UBE2W: variants seen among roughly 807,000 people sequenced by gnomAD.
UBE2W encodes ubiquitin conjugating enzyme E2 W, also known as ubiquitin-conjugating enzyme E2 W.
UBE2W carries 18 observed loss-of-function variants against 27.2 expected under a neutral mutation model. That is an observed-to-expected ratio of 0.66 (90% CI 0.46 to 0.98). The LOEUF (loss-of-function observed/expected upper bound fraction) is 0.98, where lower values mean the gene tolerates loss of function less well. Ranked by LOEUF, UBE2W falls within the 50% of genes least tolerant of loss-of-function variation. UBE2W has a pLI of 0.00. For synonymous variants in UBE2W, 53 were observed against 57.2 expected (o/e 0.93, Z 0.33); for missense variants, 90 against 180.2 (o/e 0.50, Z 2.87).
chr8:73,858,288 G>A (rs1811386664), intron 1 of UBE2W, among the ~76,000 whole-genome samples: 1 of 151,042 alleles, frequency 6.6e-6, no homozygotes, highest in Non-Finnish European at 1.5e-5. Context: ...TTGAACCTGG[G>A]AGGCGGAGGC....
intron 1 of UBE2W, among the ~76,000 whole-genome samples, chr8:73,877,083 TTGTCAAATACAAG>T (rs1384264418): frequency 5.3e-5 from 8 of 152,242 alleles, no homozygotes; most frequent in African/African-American, 1.9e-4. Flanking sequence ...CTACGTTCTC[TTGTCAAATACAAG>T]TGTTGTGGAT....
intron 1 of UBE2W, among the ~76,000 whole-genome samples, chr8:73,855,760 G>A (rs879695947): frequency 2.6e-5 from 4 of 151,912 alleles, no homozygotes; most frequent in Non-Finnish European, 5.9e-5. Context: ...AAGTGTGTAG[G>A]TATGAAAGTT....
At chr8:73,802,938 G>T (rs1808709520) in intron 5 of UBE2W, among the ~76,000 whole-genome samples, 2 of 152,178 alleles carry the variant, frequency 1.3e-5, no homozygotes, top group Non-Finnish European at 2.9e-5. Context: ...CAGGAGAATG[G>T]TGTGAACCCT....
At chr8:73,803,173 G>GC (rs1303936724) in intron 5 of UBE2W, among the ~76,000 whole-genome samples, 1 of 152,070 alleles carries the variant, frequency 6.6e-6, no homozygotes, top group African/African-American at 2.4e-5. Context: ...CCTAGATCAC[G>GC]CCACTGCACT....
chr8:73,839,002 C>T (rs1029351082), intron 1 of UBE2W, among the ~76,000 whole-genome samples: 1 of 152,132 alleles, frequency 6.6e-6, no homozygotes, highest in African/African-American at 2.4e-5. Flanking sequence ...GGCCCTTGAG[C>T]GGCTGCTCTG....
chr8:73,870,943 C>T (rs1334219251), intron 1 of UBE2W, among the ~76,000 whole-genome samples: 2 of 151,216 alleles, frequency 1.3e-5, no homozygotes, highest in African/African-American at 2.4e-5. Flanking sequence ...GCTACAGAGA[C>T]ATGAGTACCT....
intron 1 of UBE2W, chr8:73,870,277 A>G (rs749359138): frequency 4.4e-6 from 7 of 1,587,860 alleles, no homozygotes; most frequent in Non-Finnish European, 4.3e-6. Context: ...ACTGGAAACC[A>G]TACTTCCACC....
intron 1 of UBE2W, among the ~76,000 whole-genome samples, chr8:73,844,764 A>C (rs1586512125): frequency 7.0e-6 from 1 of 143,462 alleles, no homozygotes; most frequent in East Asian, 2.2e-4. Flanking sequence ...CCGCCGCCCC[A>C]TCTGAGATGT....
Position 73,793,814 on chromosome 8 carries a change from G to A in UBE2W, c.*288C>T. ...ATTGCACAATACATGAGGACCTGGA[G>A]CTTTTCCAAAAGCTTAAAAAAATAA... On this transcript the variant is annotated 3_prime_UTR_variant, in exon 6 of 6. Coordinates refer to ENST00000602593, the MANE Select transcript of UBE2W (RefSeq NM_018299.6). 8.8e-7 allele frequency: 1 copy of A among 1,137,164 alleles called. No individual in the cohort carries two copies. The highest frequency in any genetic ancestry group is 1.1e-6 in the Non-Finnish European group (1 of 925,706). The allele number at this position is 1,137,164 out of a possible 1,614,324, so 70.4% of individuals were successfully genotyped here. A position where few individuals can be genotyped will look rare whatever the true frequency, so the allele number is the denominator to read the frequency against.
rs528133217 is a variant in UBE2W, at chr8:73,820,212, G to A, written c.210+4935C>T. Among the ~76,000 whole-genome samples the A allele has an allele frequency of 7.9e-5, 12 of 152,266 alleles. No individual in the cohort carries two copies. The South Asian group carries it at 2.5e-3, about 32-fold the overall frequency. Reference sequence around the variant, plus strand: ...AGGACTGGTTCTAGCCACTTTCCCAGGGCAGTGGATCTCTGCAAAGTTTCA... The same window carrying A: ...AGGACTGGTTCTAGCCACTTTCCCAAGGCAGTGGATCTCTGCAAAGTTTCA... On this transcript the variant is annotated intron_variant, in intron 3 of 5. Coordinates refer to ENST00000602593, the MANE Select transcript of UBE2W (RefSeq NM_018299.6).
At chr8:73,822,696 A>C (rs972061378) in intron 3 of UBE2W, among the ~76,000 whole-genome samples, 110 of 148,648 alleles carry the variant, frequency 7.4e-4, no homozygotes, top group African/African-American at 2.5e-3. Context: ...ATATGGTAGG[A>C]TCACTTGAGC....
chr8:73,796,150 T>G (rs1225811341), intron 5 of UBE2W, among the ~76,000 whole-genome samples: 1 of 150,508 alleles, frequency 6.6e-6, no homozygotes, highest in African/African-American at 2.4e-5. Flanking sequence ...GTTATGGATA[T>G]AAAACAAACT....
chr8:73,800,153 T>A (rs1808578113), intron 5 of UBE2W, among the ~76,000 whole-genome samples: 1 of 151,620 alleles, frequency 6.6e-6, no homozygotes, highest in African/African-American at 2.4e-5. Context: ...ATGCATTAGC[T>A]TTTTAAAAGT....
Position 73,793,953 on chromosome 8 carries a change from T to G in UBE2W, c.*149A>C. 1 of 1,470,852 alleles carries G rather than the reference T, an allele frequency of 6.8e-7. No individual in the cohort carries two copies. The highest frequency in any genetic ancestry group is 9.0e-7 in the Non-Finnish European group (1 of 1,109,786). 91.1% of individuals were successfully genotyped at this position (1,470,852 alleles called of 1,614,324 possible). ...ACCAGCGATCAACATGCGCCCAGAA[T>G]GCACACGAGTAAAAATGCAGTAAAA... On this transcript the variant is annotated 3_prime_UTR_variant, in exon 6 of 6. Transcript: ENST00000602593.
At chr8:73,801,603 T>C (rs1275121075) in intron 5 of UBE2W, among the ~76,000 whole-genome samples, 1 of 152,236 alleles carries the variant, frequency 6.6e-6, no homozygotes, top group Non-Finnish European at 1.5e-5. Flanking sequence ...TATTCCTAAT[T>C]GGCTAATCTT....
chr8:73,859,331 C>A (rs1296160092), intron 1 of UBE2W, among the ~76,000 whole-genome samples: 2 of 151,998 alleles, frequency 1.3e-5, no homozygotes, highest in Non-Finnish European at 2.9e-5. Flanking sequence ...CATGGTGAAA[C>A]CTCATCTCTA....
intron 1 of UBE2W, among the ~76,000 whole-genome samples, chr8:73,852,046 A>C (rs1811106422): frequency 6.6e-6 from 1 of 150,458 alleles, no homozygotes; most frequent in Non-Finnish European, 1.5e-5. Context: ...ATGGGGAGAA[A>C]GAAGAAAGGA....
rs1808072524 is a variant in UBE2W, at chr8:73,788,808, A to G, written c.*5294T>C. ...CAAAACCCAGAGAGTGTATGTGCCAAGGACTAGAACAAGAATTGGATCTCT... is the reference window on the plus strand; with the variant it reads ...CAAAACCCAGAGAGTGTATGTGCCAGGGACTAGAACAAGAATTGGATCTCT... On this transcript the variant is annotated 3_prime_UTR_variant, in exon 6 of 6. Coordinates refer to ENST00000602593, the MANE Select transcript of UBE2W (RefSeq NM_018299.6). 7.1e-6 allele frequency: 7 copies of G among 985,290 alleles called. No individual in the cohort carries two copies. Among genetic ancestry groups the G allele is most frequent in the Non-Finnish European group, 8.4e-6 (7 of 829,934 alleles). 61.0% of individuals were successfully genotyped at this position (985,290 alleles called of 1,614,324 possible).
intron 1 of UBE2W, among the ~76,000 whole-genome samples, chr8:73,836,329 G>A (rs1344885692): frequency 6.6e-6 from 1 of 152,190 alleles, no homozygotes; most frequent in Non-Finnish European, 1.5e-5. Context: ...TAGTGAGAGA[G>A]AAGGGCCAGC....
Sources: allele counts gnomAD v4.1 joint callset (sites outside exome capture counted in the v4.1 genomes callset), GRCh38; gene constraint gnomAD v4.1.1; transcripts MANE v1.5; gene names NCBI Gene and HGNC (gene_info 2026-07-23, HGNC 2026-07-21).